Variants in TMEM120B observed in about 807,000 individuals in gnomAD.
The protein encoded by TMEM120B is transmembrane protein 120B.
In TMEM120B, 31 loss-of-function variants were observed where a neutral mutation model predicts 55.5. That is an observed-to-expected ratio of 0.56 (90% CI 0.42 to 0.75). The LOEUF (loss-of-function observed/expected upper bound fraction) is 0.75. Among genes scored for constraint, TMEM120B ranks in the 30% least tolerant of loss-of-function variants. TMEM120B has a pLI of 0.00. For missense variants in TMEM120B, 399 were observed against 425.5 expected, an observed-to-expected ratio of 0.94 and a Z score of 0.55; for synonymous variants, 203 against 176.3, an observed-to-expected ratio of 1.15 and a Z score of -1.20.
At chr12:121,725,722 T>C (rs1386629436) in intron 1 of TMEM120B, among the ~76,000 whole-genome samples, 2 of 152,094 alleles carry the variant, frequency 1.3e-5, no homozygotes, top group Non-Finnish European at 2.9e-5. Flanking sequence ...ATTCCATTTA[T>C]ATGAAATATG....
Position 121,743,697 on chromosome 12 carries a change from C to T in TMEM120B, c.138C>T (p.Ser46=), listed in dbSNP as rs2137130126. The change falls in exon 2 of 12, where the codon TCC becomes TCT. Residue 46 remains serine, a synonymous_variant. Coordinates refer to ENST00000449592, the MANE Select transcript of TMEM120B (RefSeq NM_001080825.2). ...LAALQTLCSS[S]ISKQKKHLKD... is the part of the protein sequence containing the mutation. ...CGCTGCAGACGCTGTGTAGCAGTTC[C>T]ATCAGTAAGCAGAAGAAGCACCTCA... is the stretch of plus-strand genomic sequence containing the variant. 7 of 1,613,652 alleles carry T rather than the reference C, an allele frequency of 4.3e-6. No homozygotes were observed. Among genetic ancestry groups the T allele is most frequent in the Non-Finnish European group, 5.9e-6 (7 of 1,179,956 alleles).
intron 10 of TMEM120B, 107 bp downstream of exon 10, chr12:121,774,829 C>T: frequency 7.2e-7 from 1 of 1,388,732 alleles, no homozygotes; most frequent in Non-Finnish European, 9.9e-7. Context: ...TGCTGGGGCC[C>T]ACAGCATCCT....
rs537876243 is a variant in TMEM120B at position 121,779,092 on chromosome 12, G to A, written c.*3370G>A. The A allele has an allele frequency of 1.1e-5, 2 of 185,088 alleles. No homozygotes were observed. The highest frequency in any genetic ancestry group is 2.7e-4 in the East Asian group (2 of 7,476). The allele number at this position is 185,088 out of a possible 1,614,324, so 11.5% of individuals were successfully genotyped here. A position where few individuals can be genotyped will look rare whatever the true frequency, so the allele number is the denominator to read the frequency against. On this transcript the variant is annotated 3_prime_UTR_variant, in exon 12 of 12. Coordinates refer to ENST00000449592, the MANE Select transcript of TMEM120B (RefSeq NM_001080825.2). ...AGTGGTGCCTATCTCGGGAGCCCAG[G>A]GAGGCAGGGACACAGGAGTGGCAGG...
At chr12:121,741,155 C>T (rs1269422454) in intron 1 of TMEM120B, among the ~76,000 whole-genome samples, 1 of 151,944 alleles carries the variant, frequency 6.6e-6, no homozygotes, top group Admixed American at 6.6e-5. Context: ...ACTTGGCCTG[C>T]GGCGGTGGTT....
At chr12:121,712,987 C>G in intron 1 of TMEM120B, 23 bp downstream of exon 1, 1 of 1,519,220 alleles carries the variant, frequency 6.6e-7, no homozygotes, top group Non-Finnish European at 8.8e-7. Context: ...CACCTGGTCC[C>G]GCAACTCTGC....
At chr12:121,719,936 G>A (rs1458263830) in intron 1 of TMEM120B, among the ~76,000 whole-genome samples, 1 of 152,160 alleles carries the variant, frequency 6.6e-6, no homozygotes, top group Non-Finnish European at 1.5e-5. Flanking sequence ...CTGACCTCAG[G>A]TGATCTGCCC....
rs1873353096 is a variant in TMEM120B, at chr12:121,752,210, G to A, written c.448G>A (p.Val150Ile). The A allele has an allele frequency of 1.2e-6, 2 of 1,613,656 alleles. No homozygotes were observed. Among genetic ancestry groups the A allele is most frequent in the Non-Finnish European group, 8.5e-7 (1 of 1,179,918 alleles). The change falls in exon 5 of 12, where the codon GTC (valine) becomes ATC (isoleucine). Residue 150 changes from valine (V) to isoleucine (I), a missense_variant. Around this residue, in one of 3 missense-constraint regions of TMEM120B, gnomAD observed 260 missense variants for 303.9 expected, o/e 0.86. Coordinates refer to ENST00000449592, the MANE Select transcript of TMEM120B (RefSeq NM_001080825.2). ...CCTGGGTGCCGTGGCATGTCGATTTGTCCTTCACTACAGGTAGTGGGTGTG... is the reference window on the plus strand; with the variant it reads ...CCTGGGTGCCGTGGCATGTCGATTTATCCTTCACTACAGGTAGTGGGTGTG... The part of the protein sequence containing the change: ...LLLGAVACRF[V>I]LHYRVTDEVF...
At chr12:121,738,012 CA>C (rs59357934) in intron 1 of TMEM120B, among the ~76,000 whole-genome samples, 63 of 69,404 alleles carry the variant, frequency 9.1e-4, no homozygotes, top group Admixed American at 8.6e-4. Context: ...CCTGTCTCCA[CA>C]AAAAAAAAAA....
At chr12:121,746,531 C>T (rs1873088891) in intron 2 of TMEM120B, among the ~76,000 whole-genome samples, 1 of 152,086 alleles carries the variant, frequency 6.6e-6, no homozygotes. Flanking sequence ...CGGGGTCTTG[C>T]TATGTTAGTC....
Position 121,748,462 on chromosome 12 carries a change from C to A in TMEM120B, c.305+20C>A. Reference sequence around the variant, plus strand: ...GAACGGGTAGGAGCTGGCAACCTCCCCACCCCTAGCACAGGCCCATGCCCA... The same window carrying A: ...GAACGGGTAGGAGCTGGCAACCTCCACACCCCTAGCACAGGCCCATGCCCA... On this transcript the variant is annotated intron_variant, in intron 3 of 11. Transcript: ENST00000449592. 1 of 1,551,662 alleles carries A rather than the reference C, an allele frequency of 6.4e-7. No homozygotes were observed. Among genetic ancestry groups the A allele is most frequent in the Non-Finnish European group, 8.9e-7 (1 of 1,128,374 alleles).
intron 1 of TMEM120B, among the ~76,000 whole-genome samples, chr12:121,726,155 G>A (rs1894886333): frequency 6.6e-6 from 1 of 152,106 alleles, no homozygotes; most frequent in Non-Finnish European, 1.5e-5. Flanking sequence ...ATCTTATTGG[G>A]TGATAGAAGG....
rs565529191 is a variant in TMEM120B at position 121,757,607 on chromosome 12, C to T, written c.462-4042C>T. On this transcript the variant is annotated intron_variant, in intron 5 of 11. Coordinates refer to ENST00000449592, the MANE Select transcript of TMEM120B (RefSeq NM_001080825.2). Reference sequence around the variant, plus strand: ...TCTTGGCTCACTGCAAGCTCTGCCTCCTGGGTTCATGCCATTCTCCTGCCT... The same window carrying T: ...TCTTGGCTCACTGCAAGCTCTGCCTTCTGGGTTCATGCCATTCTCCTGCCT... 1.4e-4 allele frequency among the ~76,000 whole-genome samples: 21 copies of T among 152,060 alleles called. No individual in the cohort carries two copies. In the East Asian group the frequency reaches 3.1e-3, roughly 22 times the overall value.
chr12:121,759,119 A>G, intron 5 of TMEM120B: 5 of 635,860 alleles, frequency 7.9e-6, no homozygotes, highest in Non-Finnish European at 9.1e-6. Flanking sequence ...TAGAGTGTCT[A>G]CTGTTTTTTT....
intron 1 of TMEM120B, among the ~76,000 whole-genome samples, chr12:121,716,031 T>TA (rs1407215068): frequency 6.7e-6 from 1 of 148,730 alleles, no homozygotes; most frequent in Non-Finnish European, 1.5e-5. Flanking sequence ...CATTGGCTCA[T>TA]ACCTGTAATC....
chr12:121,739,417 A>G lies in TMEM120B; in HGVS notation c.70-4212A>G, dbSNP rs1872854032. ...ATATCAACGTTACATTTTCTAGACA[A>G]TTGACCCTTGAACAAGGTGGGGTTA... On this transcript the variant is annotated intron_variant, in intron 1 of 11. Coordinates refer to ENST00000449592, the MANE Select transcript of TMEM120B (RefSeq NM_001080825.2). Among the ~76,000 whole-genome samples the G allele has an allele frequency of 2.0e-5, 3 of 152,102 alleles. 1 individual carries two copies. Among genetic ancestry groups the G allele is most frequent in the African/African-American group, 7.2e-5 (3 of 41,428 alleles).
chr12:121,749,655 C>G (rs561990047), intron 3 of TMEM120B, among the ~76,000 whole-genome samples: 1 of 152,286 alleles, frequency 6.6e-6, no homozygotes, highest in East Asian at 1.9e-4. Context: ...CCTGTAATCC[C>G]AGCACTTTGG....
At chr12:121,730,469 AC>A (rs778092179) in intron 1 of TMEM120B, among the ~76,000 whole-genome samples, 1 of 98,890 alleles carries the variant, frequency 1.0e-5, no homozygotes, top group East Asian at 2.8e-4. Context: ...ATATGGTGAA[AC>A]CCCTTCTCTA....
At chr12:121,764,126 C>G (rs1411073643) in intron 6 of TMEM120B, among the ~76,000 whole-genome samples, 2 of 146,884 alleles carry the variant, frequency 1.4e-5, no homozygotes, top group Non-Finnish European at 3.0e-5. Context: ...AGTTCAAGAC[C>G]AGCCTGGGCA....
chr12:121,743,270 G>T (rs1358130991), intron 1 of TMEM120B, among the ~76,000 whole-genome samples: 8 of 151,962 alleles, frequency 5.3e-5, no homozygotes, highest in Admixed American at 2.0e-4. Context: ...TGATTTATTG[G>T]CTGGGTGTGG....
Sources: gnomAD v4.1 joint callset for allele counts (sites outside exome capture counted in the v4.1 genomes callset) on GRCh38, gnomAD v4.1.1 for gene constraint, gnomAD v4.1.1 regional missense constraint, MANE v1.5 for transcripts, NCBI Gene and HGNC (gene_info 2026-07-23, HGNC 2026-07-21) for gene names.